Variants in UBE2D3 observed in about 807,000 individuals in gnomAD.
UBE2D3 encodes the protein ubiquitin conjugating enzyme E2 D3, also known as ubiquitin-conjugating enzyme E2 D3.
In UBE2D3, 2 loss-of-function variants were observed where a neutral mutation model predicts 22.8. The observed-to-expected ratio is 0.09, with a 90% CI of 0.04 to 0.28. UBE2D3 has a LOEUF of 0.28. Among genes scored for constraint, UBE2D3 ranks in the 10% least tolerant of loss-of-function variants. The probability of loss-of-function intolerance (pLI) is 1.00; values close to 1 mark genes in which losing one functional copy is unlikely to be tolerated. For synonymous variants in UBE2D3, 56 were observed against 60.4 expected, an observed-to-expected ratio of 0.93 and a Z score of 0.34; for missense variants, 27 against 182.5, an observed-to-expected ratio of 0.15 and a Z score of 4.91.
At chr4:102,809,602 G>A in intron 4 of UBE2D3, 70 bp downstream of exon 4, 1 of 1,450,832 alleles carries the variant, frequency 6.9e-7, no homozygotes, top group Non-Finnish European at 9.3e-7. Context: ...TACAGACCAA[G>A]TTAAAAATTA....
intron 2 of UBE2D3, chr4:102,811,901 C>T (rs888496793): frequency 3.0e-6 from 1 of 338,520 alleles, no homozygotes; most frequent in African/African-American, 2.2e-5. Context: ...CTGTCTACCA[C>T]AATATCAATG....
chr4:102,828,830 T>A (rs775635592), upstream of UBE2D3, among the ~76,000 whole-genome samples: 19 of 152,220 alleles, frequency 1.2e-4, no homozygotes, highest in Non-Finnish European at 2.2e-4. Flanking sequence ...CTCTCTAGTG[T>A]ATCCTTCAGG....
At chr4:102,835,960 T>A (rs1024943230) in intron 1 of UBE2D3, among the ~76,000 whole-genome samples, 2 of 152,192 alleles carry the variant, frequency 1.3e-5, no homozygotes, top group Non-Finnish European at 2.9e-5. Context: ...AGAGCTGTAT[T>A]GAAGTTGAAT....
intron 5 of UBE2D3, 182 bp from the exon 6 acceptor site, chr4:102,801,741 A>C (rs936448628): frequency 1.0e-5 from 5 of 492,524 alleles, no homozygotes; most frequent in Non-Finnish European, 1.4e-5. Context: ...TACAACAGAA[A>C]CCTAAACTTT....
chr4:102,830,227 G>A (rs528748798), upstream of UBE2D3, among the ~76,000 whole-genome samples: 1 of 152,296 alleles, frequency 6.6e-6, no homozygotes, highest in Non-Finnish European at 1.5e-5. Flanking sequence ...GTTACAGAGA[G>A]CCCACTTTAC....
At chr4:102,826,336 G>T in intron 2 of UBE2D3, 149 bp downstream of exon 2, 1 of 1,019,340 alleles carries the variant, frequency 9.8e-7, no homozygotes, top group Non-Finnish European at 1.5e-6. Context: ...ATTTCTTCAA[G>T]AAGTATATCT....
At chr4:102,827,005 G>A (rs920250009) in intron 1 of UBE2D3, 7 of 996,538 alleles carry the variant, frequency 7.0e-6, no homozygotes, top group Non-Finnish European at 8.4e-6. Flanking sequence ...GGAAGCATAA[G>A]ACTCCGGACG....
intron 1 of UBE2D3, among the ~76,000 whole-genome samples, chr4:102,836,689 C>A (rs775759755): frequency 6.6e-6 from 1 of 152,198 alleles, no homozygotes; most frequent in East Asian, 1.9e-4. Flanking sequence ...TAGGATTAGT[C>A]TTTTCAATTT....
chr4:102,816,491 C>G (rs957457295), intron 2 of UBE2D3, among the ~76,000 whole-genome samples: 2 of 152,214 alleles, frequency 1.3e-5, no homozygotes, highest in African/African-American at 4.8e-5. Context: ...CTGGTTCCTA[C>G]ACCTATTCCA....
At chr4:102,858,578 G>A (rs893574783) in intron 1 of UBE2D3, among the ~76,000 whole-genome samples, 4 of 151,806 alleles carry the variant, frequency 2.6e-5, no homozygotes, top group East Asian at 1.9e-4. Context: ...AGTCATTTTC[G>A]ACTTTAAAAA....
At chr4:102,803,488 A>G (rs1482805726) in intron 4 of UBE2D3, among the ~76,000 whole-genome samples, 1 of 152,252 alleles carries the variant, frequency 6.6e-6, no homozygotes, top group Non-Finnish European at 1.5e-5. Flanking sequence ...CATAAAAAAC[A>G]GGCCTGACAC....
At chr4:102,807,326 T>C (rs1468045917) in intron 4 of UBE2D3, among the ~76,000 whole-genome samples, 2 of 152,146 alleles carry the variant, frequency 1.3e-5, no homozygotes, top group African/African-American at 4.8e-5. Context: ...AAATGAGTTG[T>C]TTCATTGGTG....
At chr4:102,821,878 T>A (rs1255007012) in intron 2 of UBE2D3, among the ~76,000 whole-genome samples, 1 of 152,186 alleles carries the variant, frequency 6.6e-6, no homozygotes, top group Admixed American at 6.5e-5. Context: ...AGTAAGCTCT[T>A]CTATACGCTA....
chr4:102,863,731 T>C (rs192364818), intron 1 of UBE2D3, among the ~76,000 whole-genome samples: 1 of 152,280 alleles, frequency 6.6e-6, no homozygotes, highest in Admixed American at 6.5e-5. Flanking sequence ...TGGTCTCAAG[T>C]GATCTGCCCA....
intron 2 of UBE2D3, among the ~76,000 whole-genome samples, chr4:102,818,384 C>T (rs1279221461): frequency 6.6e-6 from 1 of 152,152 alleles, no homozygotes; most frequent in Non-Finnish European, 1.5e-5. Flanking sequence ...TGTGAGAATC[C>T]AGACCTTCTC....
chr4:102,804,315 A>G (rs1158433399), intron 4 of UBE2D3, among the ~76,000 whole-genome samples: 2 of 152,076 alleles, frequency 1.3e-5, no homozygotes, highest in Non-Finnish European at 2.9e-5. Flanking sequence ...GGTGTGCACC[A>G]ACGTGCCCAG....
chr4:102,863,217 ATTTTTGTAT>A (rs1380598097), intron 1 of UBE2D3, among the ~76,000 whole-genome samples: 1 of 151,770 alleles, frequency 6.6e-6, no homozygotes, highest in African/African-American at 2.4e-5. Context: ...CACCCAGCTA[ATTTTTGTAT>A]TTTTAGTAGA....
At chr4:102,824,182 A>C (rs1578264731) in intron 2 of UBE2D3, among the ~76,000 whole-genome samples, 2 of 152,236 alleles carry the variant, frequency 1.3e-5, no homozygotes, top group Non-Finnish European at 2.9e-5. Context: ...GGTTTTTCCA[A>C]TATGCCAAGT....
chr4:102,863,737 G>T (rs553552759), intron 1 of UBE2D3, among the ~76,000 whole-genome samples: 1 of 152,126 alleles, frequency 6.6e-6, no homozygotes, highest in African/African-American at 2.4e-5. Flanking sequence ...CAAGTGATCT[G>T]CCCAGCTCAG....
Sources: gnomAD v4.1 joint callset for allele counts (sites outside exome capture counted in the v4.1 genomes callset) on GRCh38, gnomAD v4.1.1 for gene constraint, MANE v1.5 for transcripts, NCBI Gene and HGNC (gene_info 2026-07-23, HGNC 2026-07-21) for gene names.